Variants in CFAP61 observed in about 807,000 individuals in gnomAD.
CFAP61 encodes the protein cilia- and flagella-associated protein 61.
Under a neutral mutation model 135.6 loss-of-function variants are expected in CFAP61, and 107 were observed. The ratio of observed to expected loss-of-function variants is 0.79; its 90% confidence interval spans 0.67 to 0.93. CFAP61 has a LOEUF of 0.93. CFAP61 is among the 40% of genes least tolerant of loss of function. The pLI is 0.00. For synonymous variants in CFAP61, 575 were observed against 578.5 expected, an observed-to-expected ratio of 0.99 and a Z score of 0.09; for missense variants, 1,507 against 1,556.2, an observed-to-expected ratio of 0.97 and a Z score of 0.53.
intron 6 of CFAP61, among the ~76,000 whole-genome samples, chr20:20,076,715 T>G (rs1489909732): frequency 2.6e-5 from 4 of 152,236 alleles, no homozygotes; most frequent in Non-Finnish European, 5.9e-5. Flanking sequence ...TTTAAAAGTT[T>G]TAAAAACTTT....
At chr20:20,262,927 G>A (rs376722698) in intron 20 of CFAP61, 29 bp from the exon 21 acceptor site, 12 of 1,482,388 alleles carry the variant, frequency 8.1e-6, no homozygotes, top group African/African-American at 2.9e-5. Context: ...TATTATCACT[G>A]AAATAAGCAT....
intron 7 of CFAP61, among the ~76,000 whole-genome samples, chr20:20,093,757 T>C (rs2047372911): frequency 6.6e-6 from 1 of 152,206 alleles, no homozygotes; most frequent in Non-Finnish European, 1.5e-5. Context: ...GTTGTTTTTA[T>C]GGTAGGTGAA....
chr20:20,298,307 C>G lies in CFAP61; in HGVS notation c.3343C>G (p.Arg1115Gly), dbSNP rs115510668. 6.2e-7 allele frequency: 1 copy of G among 1,614,102 alleles called. No individual in the cohort carries two copies. The highest frequency in any genetic ancestry group is 1.7e-5 in the Admixed American group (1 of 60,018). Reference sequence around the variant, plus strand: ...GCCCTTCCCCGCCTCCAACTACATCCGCTTGTTTGGCCAGCACGAGCAACT... The same window carrying G: ...GCCCTTCCCCGCCTCCAACTACATCGGCTTGTTTGGCCAGCACGAGCAACT... The part of the protein sequence containing the change: ...REPFPASNYI[R>G]LFGQHEQLLN... Residue 1115 changes from arginine to glycine, a missense_variant, in exon 25 of 27, where the codon CGC becomes GGC. Transcript: ENST00000245957.
At chr20:20,356,380 G>A (rs1357368978) in intron 26 of CFAP61, among the ~76,000 whole-genome samples, 2 of 151,736 alleles carry the variant, frequency 1.3e-5, no homozygotes, top group African/African-American at 4.9e-5. Context: ...ACTGAGGGGA[G>A]GTGGTCATAG....
chr20:20,075,376 A>G, intron 5 of CFAP61, 113 bp from the exon 6 acceptor site: 10 of 1,395,454 alleles, frequency 7.2e-6, no homozygotes, highest in East Asian at 2.4e-5. Flanking sequence ...TACCATGTGC[A>G]TATTTTATTA....
intron 6 of CFAP61, among the ~76,000 whole-genome samples, chr20:20,084,960 C>T (rs1444259368): frequency 3.3e-5 from 5 of 152,132 alleles, no homozygotes; most frequent in Admixed American, 6.5e-5. Context: ...TTTGTTTCCT[C>T]CAGGGAAGTT....
At chr20:20,147,552 T>C (rs2051997503) in intron 9 of CFAP61, among the ~76,000 whole-genome samples, 1 of 152,246 alleles carries the variant, frequency 6.6e-6, no homozygotes, top group Non-Finnish European at 1.5e-5. Context: ...TTGAAAAATA[T>C]CTATTCATGC....
chr20:20,166,363 A>G, intron 11 of CFAP61, 34 bp from the exon 12 acceptor site: 1 of 1,599,146 alleles, frequency 6.3e-7, no homozygotes, highest in Non-Finnish European at 8.6e-7. Flanking sequence ...ATTTGCTTGC[A>G]GGGCACTGAC....
chr20:20,161,140 T>G (rs1003321840), intron 10 of CFAP61, among the ~76,000 whole-genome samples: 1 of 152,166 alleles, frequency 6.6e-6, no homozygotes, highest in Non-Finnish European at 1.5e-5. Context: ...GACCAGTTGG[T>G]CACTCCCTGT....
intron 26 of CFAP61, among the ~76,000 whole-genome samples, chr20:20,353,069 A>G (rs1161575973): frequency 6.6e-6 from 1 of 152,242 alleles, no homozygotes; most frequent in Non-Finnish European, 1.5e-5. Flanking sequence ...AAACATAAGC[A>G]AAGGACCTGA....
chr20:20,175,783 G>A (rs185400162), intron 13 of CFAP61, among the ~76,000 whole-genome samples: 2,337 of 151,946 alleles, frequency 0.015, 27 homozygotes, highest in Non-Finnish European at 0.025. Flanking sequence ...CACTCACCTC[G>A]GCCTCCCAAA....
chr20:20,227,188 T>G (rs144858871), intron 17 of CFAP61, among the ~76,000 whole-genome samples: 35 of 152,352 alleles, frequency 2.3e-4, no homozygotes, highest in Middle Eastern at 3.4e-3. Flanking sequence ...TCTGTCAGAC[T>G]TCCAACTCCT....
intron 25 of CFAP61, among the ~76,000 whole-genome samples, chr20:20,314,051 C>T (rs1253969314): frequency 6.6e-6 from 1 of 152,084 alleles, no homozygotes; most frequent in Non-Finnish European, 1.5e-5. Flanking sequence ...ATACTTCCCA[C>T]TGGGCCCCAC....
At chr20:20,278,508 A>G (rs910875742) in intron 22 of CFAP61, among the ~76,000 whole-genome samples, 11 of 152,212 alleles carry the variant, frequency 7.2e-5, no homozygotes, top group Admixed American at 2.0e-4. Context: ...TGAGGTCGGT[A>G]TGAGGATAAT....
chr20:20,092,865 T>G (rs1051536858), intron 7 of CFAP61, among the ~76,000 whole-genome samples: 8 of 152,134 alleles, frequency 5.3e-5, no homozygotes, highest in African/African-American at 1.9e-4. Flanking sequence ...TGTGGAGAAA[T>G]TGGAAGCCTC....
intron 24 of CFAP61, among the ~76,000 whole-genome samples, chr20:20,292,001 C>G (rs1279854680): frequency 4.6e-5 from 7 of 152,188 alleles, no homozygotes; most frequent in Non-Finnish European, 1.5e-5. Context: ...AGGACAGGGT[C>G]AGCCATGTGG....
intron 17 of CFAP61, chr20:20,200,940 A>T (rs1263470840): frequency 8.1e-6 from 8 of 985,340 alleles, no homozygotes; most frequent in Admixed American, 1.2e-4. Flanking sequence ...ACTCAGAGGC[A>T]GCTTTGTGTC....
At chr20:20,284,258 T>C (rs1249020515) in intron 22 of CFAP61, among the ~76,000 whole-genome samples, 1 of 63,860 alleles carries the variant, frequency 1.6e-5, no homozygotes, top group Non-Finnish European at 3.7e-5. Flanking sequence ...CTCTTTATTT[T>C]ATTTTATTTT....
intron 6 of CFAP61, among the ~76,000 whole-genome samples, chr20:20,075,982 A>G (rs2046022093): frequency 6.6e-6 from 1 of 152,198 alleles, no homozygotes; most frequent in Admixed American, 6.5e-5. Flanking sequence ...CATTCAGTGA[A>G]TGAGGATGCT....
Sources: gnomAD v4.1 joint callset for allele counts (sites outside exome capture counted in the v4.1 genomes callset) on GRCh38, gnomAD v4.1.1 for gene constraint, MANE v1.5 for transcripts, NCBI Gene and HGNC (gene_info 2026-07-23, HGNC 2026-07-21) for gene names.